Variants in MRGPRX1 observed in about 807,000 individuals in gnomAD.
The protein encoded by MRGPRX1 is MAS related GPR family member X1.
For synonymous variants in MRGPRX1, 208 were observed against 170.4 expected (o/e 1.22, Z -1.72); for missense variants, 411 against 393.8 (o/e 1.04, Z -0.37).
At position 18,936,154 on chromosome 11, in the gene MRGPRX1, G is replaced by A. The variant is rs369057853; in HGVS notation, c.-25-1345C>T. Among the ~76,000 whole-genome samples, 248 of 151,430 alleles carry A rather than the reference G, an allele frequency of 1.6e-3. 2 individuals carry two copies. Among genetic ancestry groups the A allele is most frequent in the African/African-American group, 5.8e-3 (241 of 41,342 alleles). ...TGGGACTTATATAGTATGAATTTGA[G>A]CCCAGCAGGGCTGACTCATGATCCA... On this transcript the variant is annotated intron_variant, in intron 1 of 1. Transcript: ENST00000526914.
chr11:18,935,072 T>C (rs1848830210), intron 1 of MRGPRX1: 1 of 349,558 alleles, frequency 2.9e-6, no homozygotes, highest in Non-Finnish European at 5.2e-6. Context: ...CCCACTCATC[T>C]AGCCAGGGCT....
chr11:18,936,298 G>T (rs1478283929), intron 1 of MRGPRX1, among the ~76,000 whole-genome samples: 1 of 136,832 alleles, frequency 7.3e-6, no homozygotes, highest in Non-Finnish European at 1.6e-5. Flanking sequence ...ATTGTGGGTT[G>T]AAAAAAAAAA....
At chr11:18,935,879 A>T (rs1474719254) in intron 1 of MRGPRX1, among the ~76,000 whole-genome samples, 1 of 151,374 alleles carries the variant, frequency 6.6e-6, no homozygotes, top group East Asian at 1.9e-4. Flanking sequence ...TGATGCAAAC[A>T]TTTGTATGTG....
At chr11:18,939,022 C>G (rs1366904010) in intron 1 of MRGPRX1, among the ~76,000 whole-genome samples, 2 of 151,532 alleles carry the variant, frequency 1.3e-5, no homozygotes, top group East Asian at 3.9e-4. Flanking sequence ...TGAGAGGCAG[C>G]ATTTTCTCTA....
chr11:18,934,197 C>T lies in MRGPRX1; in HGVS notation c.588G>A (p.Leu196=), dbSNP rs11599929. ...CACAGAGAATCCTGATCAGCAGGAC[C>T]AGGCTGGACCCACAGAGAACCACAC... ...FLCVVLCGSS[L]VLLIRILCGS... is the part of the protein sequence containing the mutation. The change falls in exon 2 of 2, where the codon CTG becomes CTA. Residue 196 remains leucine, a synonymous_variant. Transcript: ENST00000526914. 366,757 of 1,578,232 alleles carry T rather than the reference C, an allele frequency of 0.23. 15,962 individuals carry two copies. Among genetic ancestry groups the T allele is most frequent in the East Asian group, 0.37 (16,370 of 44,528 alleles).
Position 18,934,460 on chromosome 11 carries a change from C to T in MRGPRX1, c.325G>A (p.Gly109Ser), listed in dbSNP as rs1443482772. Residue 109 changes from glycine to serine, a missense_variant, in exon 2 of 2, where the codon GGC becomes AGC. Gly to Ser is a moderately conservative substitution (Grantham distance 56). Coordinates refer to ENST00000526914, the MANE Select transcript of MRGPRX1 (RefSeq NM_001393578.1). ...YPVMMFSYFAGLSFLSAVSTE... is the reference protein window; with the variant it reads ...YPVMMFSYFASLSFLSAVSTE... ...CTCACGGCACTCAGAAAGCTCAGGC[C>T]TGCAAAGTAGGAAAACATCATCACA... 6.2e-6 allele frequency: 10 copies of T among 1,610,524 alleles called. No individual in the cohort carries two copies. Among genetic ancestry groups the T allele is most frequent in the Admixed American group, 5.1e-5 (3 of 59,358 alleles).
rs1283058161 is a variant in MRGPRX1 at position 18,934,244 on chromosome 11, C to T, written c.541G>A (p.Val181Ile). The T allele has an allele frequency of 6.2e-7, 1 of 1,610,486 alleles. No homozygotes were observed. The highest frequency in any genetic ancestry group is 8.5e-7 in the Non-Finnish European group (1 of 1,178,086). ...ACACATAAAAAAATCAGCCACGCGA[C>T]TGTGATGAAATCTGATGTTTGACAC... ...AWCQTSDFIT[V>I]AWLIFLCVVL... The change falls in exon 2 of 2, where the codon GTC (valine) becomes ATC (isoleucine). Residue 181 changes from valine to isoleucine, a missense_variant. Physicochemically the swap from Val to Ile is conservative, Grantham distance 29. Transcript: ENST00000526914.
At chr11:18,936,830 A>C (rs1362231599) in intron 1 of MRGPRX1, among the ~76,000 whole-genome samples, 4 of 151,438 alleles carry the variant, frequency 2.6e-5, no homozygotes, top group Non-Finnish European at 4.4e-5. Context: ...AGAGAATTAA[A>C]GTGTTTTCAT....
At position 18,934,646 on chromosome 11, in the gene MRGPRX1, C is replaced by A; in HGVS notation, c.139G>T (p.Val47Phe). Reference sequence around the variant, plus strand: ...CGGCAGCCCAGGAGCCAGAGCACAACTGCGTTTCCTGTCAGCCCGACAAGG... The same window carrying A: ...CGGCAGCCCAGGAGCCAGAGCACAAATGCGTTTCCTGTCAGCCCGACAAGG... ...VSLVGLTGNAVVLWLLGCRMR... is the reference protein window; with the variant it reads ...VSLVGLTGNAFVLWLLGCRMR... Residue 47 changes from valine to phenylalanine, a missense_variant, in exon 2 of 2, where the codon GTT becomes TTT. Val to Phe is a conservative substitution (Grantham distance 50). Coordinates refer to ENST00000526914, the MANE Select transcript of MRGPRX1 (RefSeq NM_001393578.1). 6.2e-7 allele frequency: 1 copy of A among 1,610,856 alleles called. No homozygotes were observed. Among genetic ancestry groups the A allele is most frequent in the Non-Finnish European group, 8.5e-7 (1 of 1,178,166 alleles).
rs1848858459 is a variant in MRGPRX1 at position 18,938,521 on chromosome 11, A to G, written c.-26+759T>C. On this transcript the variant is annotated intron_variant, in intron 1 of 1. Coordinates refer to ENST00000526914, the MANE Select transcript of MRGPRX1 (RefSeq NM_001393578.1). ...CCATTTATGAGAAACCATCCCCACT[A>G]TTTAATCACCTCCCACCAGGCCCTC... 2.0e-5 allele frequency among the ~76,000 whole-genome samples: 3 copies of G among 151,640 alleles called. No individual in the cohort carries two copies. In the South Asian group the frequency reaches 6.3e-4, roughly 32 times the overall value.
chr11:18,938,957 G>A (rs1231560679), intron 1 of MRGPRX1, among the ~76,000 whole-genome samples: 1 of 151,602 alleles, frequency 6.6e-6, no homozygotes, highest in African/African-American at 2.4e-5. Flanking sequence ...TGCTTCTACA[G>A]CAGTTCAACT....
chr11:18,933,875 C>T lies in MRGPRX1; in HGVS notation c.910G>A (p.Gly304Ser), dbSNP rs774564282. 1.2e-6 allele frequency: 2 copies of T among 1,610,566 alleles called. No individual in the cohort carries two copies. Among genetic ancestry groups the T allele is most frequent in the Non-Finnish European group, 1.7e-6 (2 of 1,178,114 alleles). Residue 304 changes from glycine (G) to serine (S), a missense_variant, in exon 2 of 2, where the codon GGT becomes AGT. Transcript: ENST00000526914. ...ALQDASEVDE[G>S]GGQLPEEILE... is the part of the protein sequence containing the mutation. ...ATTTCCTCAGGAAGCTGCCCTCCACCTTCATCCACCTCAGACGCGTCCTGC... is the reference window on the plus strand; with the variant it reads ...ATTTCCTCAGGAAGCTGCCCTCCACTTTCATCCACCTCAGACGCGTCCTGC...
chr11:18,934,549 C>T lies in MRGPRX1; in HGVS notation c.236G>A (p.Arg79His), dbSNP rs774293818. Reference sequence around the variant, plus strand: ...GAAGCTTAACAGGGAATATATAAGGCGGCCGCTGAGGAAGAGGAAGTCTGC... The same window carrying T: ...GAAGCTTAACAGGGAATATATAAGGTGGCCGCTGAGGAAGAGGAAGTCTGC... ...AAADFLFLSG[R>H]LIYSLLSFIS... Residue 79 changes from arginine to histidine, a missense_variant, in exon 2 of 2, where the codon CGC becomes CAC. Arg to His is a conservative substitution (Grantham distance 29, BLOSUM62 0). Transcript: ENST00000526914. The T allele has an allele frequency of 6.8e-6, 11 of 1,609,814 alleles. No individual in the cohort carries two copies. In the East Asian group the frequency reaches 1.6e-4, roughly 23 times the overall value.
At position 18,934,285 on chromosome 11, in the gene MRGPRX1, C is replaced by T. The variant is rs754669477; in HGVS notation, c.500G>A (p.Gly167Asp). The change falls in exon 2 of 2, where the codon GGT becomes GAT. Residue 167 changes from glycine (G) to aspartate (D), a missense_variant. By Grantham distance (94) the Gly-to-Asp change is moderately conservative (BLOSUM62 -1). Coordinates refer to ENST00000526914, the MANE Select transcript of MRGPRX1 (RefSeq NM_001393578.1). ...EWMLCGFLFS[G>D]ADSAWCQTSD... is the part of the protein sequence containing the mutation. The stretch of plus-strand genomic sequence containing the variant: ...TGTTTGACACCAAGCAGAATCAGCA[C>T]CACTGAACAGGAAGCCACATAACAT... The T allele has an allele frequency of 2.1e-5, 34 of 1,610,534 alleles. No individual in the cohort carries two copies. The highest frequency in any genetic ancestry group is 2.7e-5 in the African/African-American group (2 of 74,640).
Position 18,934,485 on chromosome 11 carries a change from A to G in MRGPRX1, c.300T>C (p.Pro100=). The part of the protein sequence containing the change: ...IPHTISKILY[P]VMMFSYFAGL... The stretch of plus-strand genomic sequence containing the variant: ...CTGCAAAGTAGGAAAACATCATCAC[A>G]GGATAGAGGATTTTAGAGATGGTAT... The change falls in exon 2 of 2, where the codon CCT becomes CCC. Residue 100 remains proline (P), a synonymous_variant. Transcript: ENST00000526914. 1.2e-6 allele frequency: 2 copies of G among 1,610,660 alleles called. No homozygotes were observed. The highest frequency in any genetic ancestry group is 1.7e-6 in the Non-Finnish European group (2 of 1,178,062).
Position 18,934,116 on chromosome 11 carries a change from C to T in MRGPRX1, c.669G>A (p.Leu223=), listed in dbSNP as rs780411567. 2 of 1,610,898 alleles carry T rather than the reference C, an allele frequency of 1.2e-6. No individual in the cohort carries two copies. Among genetic ancestry groups the T allele is most frequent in the South Asian group, 1.1e-5 (1 of 90,790 alleles). The part of the protein sequence containing the change: ...RLYVTILLTV[L]VFLLCGLPFG... ...AGGGCAGGCCACAGAGGAGGAAGAC[C>T]AGTACTGTGAGCAGGATGGTCACGT... Residue 223 remains leucine, a synonymous_variant, in exon 2 of 2, where the codon CTG becomes CTA. Coordinates refer to ENST00000526914, the MANE Select transcript of MRGPRX1 (RefSeq NM_001393578.1).
rs750945221 is a variant in MRGPRX1 at position 18,936,495 on chromosome 11, C to T, written c.-25-1686G>A. On this transcript the variant is annotated intron_variant, in intron 1 of 1. Coordinates refer to ENST00000526914, the MANE Select transcript of MRGPRX1 (RefSeq NM_001393578.1). ...GCCTCCAGGTGGAAAGAAGACTCAC[C>T]CTCCTCTGGGATTACAGAGGAGCAT... Among the ~76,000 whole-genome samples, 5 of 151,164 alleles carry T rather than the reference C, an allele frequency of 3.3e-5. 1 individual carries two copies. The highest frequency in any genetic ancestry group is 5.9e-5 in the Non-Finnish European group (4 of 67,706).
At chr11:18,937,413 C>T (rs894169244) in intron 1 of MRGPRX1, among the ~76,000 whole-genome samples, 2 of 151,388 alleles carry the variant, frequency 1.3e-5, no homozygotes, top group African/African-American at 2.4e-5. Flanking sequence ...TGTGCTGCTA[C>T]CCCAGCACAC....
At position 18,934,182 on chromosome 11, in the gene MRGPRX1, C is replaced by G. The variant is rs751891064; in HGVS notation, c.603G>C (p.Arg201Ser). ...GTATCTTCCGGGATCCACAGAGAAT[C>G]CTGATCAGCAGGACCAGGCTGGACC... is the stretch of plus-strand genomic sequence containing the variant. ...LCGSSLVLLI[R>S]ILCGSRKIPL... The change falls in exon 2 of 2, where the codon AGG (arginine) becomes AGC (serine). Residue 201 changes from arginine to serine, a missense_variant. By Grantham distance (110) the Arg-to-Ser change is moderately radical. Transcript: ENST00000526914. 6.2e-7 allele frequency: 1 copy of G among 1,610,834 alleles called. No homozygotes were observed.
Sources: gnomAD v4.1 joint callset for allele counts (sites outside exome capture counted in the v4.1 genomes callset) on GRCh38, gnomAD v4.1.1 for gene constraint, MANE v1.5 for transcripts, NCBI Gene and HGNC (gene_info 2026-07-23, HGNC 2026-07-21) for gene names.